ABCD2: variants seen among roughly 807,000 people sequenced by gnomAD.
ABCD2 encodes the protein ATP-binding cassette sub-family D member 2.
A neutral mutation model predicts 70.9 loss-of-function variants in ABCD2; 36 were observed. The observed-to-expected ratio is 0.51, with a 90% confidence interval of 0.39 to 0.67. The LOEUF is 0.67. Ranked by LOEUF, ABCD2 falls within the 30% of genes least tolerant of loss-of-function variation. ABCD2 has a pLI of 0.00. For missense variants in ABCD2, 729 were observed against 890.2 expected, an observed-to-expected ratio of 0.82 and a Z score of 2.30; for synonymous variants, 304 against 306.9, an observed-to-expected ratio of 0.99 and a Z score of 0.10.
chr12:39,556,745 GGGAGTCTGAGGC>G lies in ABCD2; in HGVS notation c.2004-2626_2004-2615del, dbSNP rs549826410. Among the ~76,000 whole-genome samples, 348 of 152,206 alleles carry G rather than the reference GGGAGTCTGAGGC, an allele frequency of 2.3e-3. 1 individual carries two copies. Among genetic ancestry groups the G allele is most frequent in the South Asian group, 1.2e-3 (6 of 4,828 alleles). ...CTCATGCCTGTAATCCCAGCACTTT[GGGAGTCTGAGGC>G]AGGTGGATCATGAGGTCAGGAGTTC... On this transcript the variant is annotated intron_variant, in intron 9 of 9. Coordinates refer to ENST00000308666, the MANE Select transcript of ABCD2 (RefSeq NM_005164.4).
At chr12:39,617,567 G>C (rs556236008) in intron 1 of ABCD2, among the ~76,000 whole-genome samples, 3 of 152,068 alleles carry the variant, frequency 2.0e-5, no homozygotes, top group Non-Finnish European at 4.4e-5. Context: ...GTTGGATTTT[G>C]TCTTTTATGC....
chr12:39,567,149 G>T (rs1168298508), intron 9 of ABCD2, among the ~76,000 whole-genome samples: 3 of 152,194 alleles, frequency 2.0e-5, no homozygotes, highest in Admixed American at 1.3e-4. Context: ...TATTAGGTCT[G>T]CTTGGTGCAG....
At chr12:39,586,011 G>A in intron 7 of ABCD2, 141 bp downstream of exon 7, 2 of 689,970 alleles carry the variant, frequency 2.9e-6, no homozygotes, top group Non-Finnish European at 4.4e-6. Flanking sequence ...TAATGGAACA[G>A]CAATAAAACT....
At chr12:39,614,496 C>T (rs1281932377) in intron 2 of ABCD2, among the ~76,000 whole-genome samples, 1 of 151,896 alleles carries the variant, frequency 6.6e-6, no homozygotes, top group Non-Finnish European at 1.5e-5. Context: ...TCTTTTTCCC[C>T]CCTCTACTTC....
chr12:39,587,920 A>G (rs1484522522), intron 6 of ABCD2, among the ~76,000 whole-genome samples: 1 of 152,238 alleles, frequency 6.6e-6, no homozygotes, highest in African/African-American at 2.4e-5. Flanking sequence ...TTTCAGTCAA[A>G]GACAGAAAGA....
intron 7 of ABCD2, among the ~76,000 whole-genome samples, chr12:39,585,586 G>C (rs1191526183): frequency 1.3e-5 from 2 of 151,998 alleles, no homozygotes; most frequent in South Asian, 2.1e-4. Context: ...AACACAGAAA[G>C]AGTATTATTA....
downstream of ABCD2, among the ~76,000 whole-genome samples, chr12:39,545,807 G>GTAT (rs1339715390): frequency 6.6e-6 from 1 of 152,132 alleles, no homozygotes; most frequent in Non-Finnish European, 1.5e-5. Context: ...ATAATAGTAA[G>GTAT]AGTATAGGAT....
chr12:39,557,789 A>G (rs948886311), intron 9 of ABCD2, among the ~76,000 whole-genome samples: 2 of 152,236 alleles, frequency 1.3e-5, no homozygotes, highest in Non-Finnish European at 2.9e-5. Flanking sequence ...TGTGGTGCAC[A>G]GAAGTCAAGA....
intron 2 of ABCD2, among the ~76,000 whole-genome samples, chr12:39,609,207 T>G (rs1942012881): frequency 6.6e-6 from 1 of 152,170 alleles, no homozygotes; most frequent in African/African-American, 2.4e-5. Context: ...ATGAACATCC[T>G]AAATTACTGT....
rs1941095234 is a variant in ABCD2, at chr12:39,552,023, C to T, written c.*1889G>A. 2.0e-5 allele frequency: 3 copies of T among 151,636 alleles called. No homozygotes were observed. The highest frequency in any genetic ancestry group is 1.3e-4 in the Admixed American group (2 of 15,198). The allele number at this position is 151,636 out of a possible 1,614,324, so 9.4% of individuals were successfully genotyped here. A position where few individuals can be genotyped will look rare whatever the true frequency, so the allele number is the denominator to read the frequency against. On this transcript the variant is annotated 3_prime_UTR_variant, in exon 10 of 10. Coordinates refer to ENST00000308666, the MANE Select transcript of ABCD2 (RefSeq NM_005164.4). ...GAAAAGATTAATGAATAATTTTTAGCAAGTTTAAGTTTTGGTTCCATGCTT... is the reference window on the plus strand; with the variant it reads ...GAAAAGATTAATGAATAATTTTTAGTAAGTTTAAGTTTTGGTTCCATGCTT...
chr12:39,590,403 G>GAAATATTA (rs1490382601), intron 6 of ABCD2, among the ~76,000 whole-genome samples: 2 of 152,028 alleles, frequency 1.3e-5, no homozygotes, highest in Non-Finnish European at 2.9e-5. Flanking sequence ...TATCAAAAAA[G>GAAATATTA]AAATATTAAC....
Position 39,553,762 on chromosome 12 carries a change from A to G in ABCD2, c.*150T>C. The stretch of plus-strand genomic sequence containing the variant: ...TTTGTTTATTTTCTTCTGAAAAGTC[A>G]GATCATATACTTCCTTAATGCTAAA... On this transcript the variant is annotated 3_prime_UTR_variant, in exon 10 of 10. Coordinates refer to ENST00000308666, the MANE Select transcript of ABCD2 (RefSeq NM_005164.4). 1.6e-6 allele frequency: 1 copy of G among 617,830 alleles called. No individual in the cohort carries two copies. 38.3% of individuals were successfully genotyped at this position (617,830 alleles called of 1,614,324 possible). A position where few individuals can be genotyped will look rare whatever the true frequency, so the allele number is the denominator to read the frequency against.
In ABCD2 at chr12:39,601,559, G is replaced by A. The variant is rs117305017; in HGVS notation, c.1501-843C>T. Among the ~76,000 whole-genome samples, 92 of 152,050 alleles carry A rather than the reference G, an allele frequency of 6.1e-4. No homozygotes were observed. In the East Asian group the frequency reaches 0.016, roughly 27 times the overall value. On this transcript the variant is annotated intron_variant, in intron 5 of 9. Transcript: ENST00000308666. ...CTTATTATGGTATTTAAAGGGTATT[G>A]TGAACAACAATCAACAGAAACACCA...
In ABCD2 at chr12:39,613,161, C is replaced by T. The variant is rs1186309221; in HGVS notation, c.1120+3827G>A. The stretch of plus-strand genomic sequence containing the variant: ...CAGCACTTTGGGAGGCCGAGGCGGG[C>T]GGATCACGAGGTCAGGAGATCGAGA... On this transcript the variant is annotated intron_variant, in intron 2 of 9. Coordinates refer to ENST00000308666, the MANE Select transcript of ABCD2 (RefSeq NM_005164.4). 4.6e-5 allele frequency among the ~76,000 whole-genome samples: 4 copies of T among 87,580 alleles called. 1 individual carries two copies. The highest frequency in any genetic ancestry group is 1.7e-4 in the African/African-American group (2 of 11,574). 57.5% of individuals were successfully genotyped at this position (87,580 alleles called of 152,430 possible).
intron 8 of ABCD2, among the ~76,000 whole-genome samples, chr12:39,574,321 A>G (rs753036347): frequency 6.6e-6 from 1 of 152,190 alleles, no homozygotes; most frequent in Non-Finnish European, 1.5e-5. Context: ...TTTCATCACT[A>G]TAAGACTGCG....
chr12:39,538,171 C>CTT, the ABCD2 span, among the ~76,000 whole-genome samples: 15 of 139,696 alleles, frequency 1.1e-4, no homozygotes, highest in Non-Finnish European at 1.9e-4. Flanking sequence ...TTCTTTCTTT[C>CTT]TTTTTTTTTT....
intron 2 of ABCD2, among the ~76,000 whole-genome samples, chr12:39,608,198 G>T (rs1187309234): frequency 6.6e-6 from 1 of 151,832 alleles, no homozygotes; most frequent in Admixed American, 6.6e-5. Flanking sequence ...AAAAAGAAAT[G>T]AAAAGAAGAG....
chr12:39,577,109 C>G (rs1941529352), intron 8 of ABCD2, among the ~76,000 whole-genome samples: 1 of 151,408 alleles, frequency 6.6e-6, no homozygotes, highest in Non-Finnish European at 1.5e-5. Flanking sequence ...TTAAATGTTA[C>G]AGTAATTTAA....
In ABCD2 at chr12:39,618,628, C is replaced by T. The variant is rs999883856; in HGVS notation, c.939+49G>A. The T allele has an allele frequency of 2.6e-6, 4 of 1,538,920 alleles. No homozygotes were observed. The African/African-American group carries it at 5.4e-5, about 21-fold the overall frequency. ...CAGATGGTATCTGGCACTGCAGTGG[C>T]AACTTGAACAGTTTCACATTTCACC... On this transcript the variant is annotated intron_variant, in intron 1 of 9. Transcript: ENST00000308666.
Sources: gnomAD v4.1 joint callset for allele counts (sites outside exome capture counted in the v4.1 genomes callset) on GRCh38, gnomAD v4.1.1 for gene constraint, MANE v1.5 for transcripts, NCBI Gene and HGNC (gene_info 2026-07-23, HGNC 2026-07-21) for gene names.